Variants in EML4 observed in about 807,000 individuals in gnomAD.
EML4 encodes EMAP like 4, also known as echinoderm microtubule-associated protein-like 4.
In EML4, 72 loss-of-function variants were observed where a neutral mutation model predicts 129.0. That is an observed-to-expected ratio of 0.56 (90% confidence interval 0.46 to 0.68). EML4 has a LOEUF of 0.68. Among genes scored for constraint, EML4 ranks in the 30% least tolerant of loss-of-function variants. EML4 has a pLI of 0.00. For synonymous variants in EML4, 532 were observed against 405.0 expected (o/e 1.31, Z -3.77); for missense variants, 1,363 against 1,190.6 (o/e 1.14, Z -2.13).
At position 42,315,953 on chromosome 2, in the gene EML4, T is replaced by A; in HGVS notation, c.1968-9T>A. The A allele has an allele frequency of 1.9e-6, 3 of 1,600,828 alleles. No individual in the cohort carries two copies. Among genetic ancestry groups the A allele is most frequent in the Non-Finnish European group, 2.6e-6 (3 of 1,173,720 alleles). On this transcript the variant is annotated splice_polypyrimidine_tract_variant and intron_variant, in intron 17 of 22. Coordinates refer to ENST00000318522, the MANE Select transcript of EML4 (RefSeq NM_019063.5). ...TCTGAAGAAAATTTTGATTTTTACT[T>A]CTTAACAGGTGGTTTGTTCTGGATG...
intron 1 of EML4, among the ~76,000 whole-genome samples, chr2:42,188,171 T>C (rs1189502151): frequency 6.7e-6 from 1 of 148,570 alleles, no homozygotes; most frequent in Non-Finnish European, 1.5e-5. Flanking sequence ...GCACTCTGTA[T>C]TCTGTTATGT....
chr2:42,292,878 T>C lies in EML4; in HGVS notation c.1219-2247T>C, dbSNP rs376030048. 1.2e-4 allele frequency among the ~76,000 whole-genome samples: 18 copies of C among 152,340 alleles called. No homozygotes were observed. In the South Asian group the frequency reaches 3.7e-3, roughly 32 times the overall value. ...TATCTTGACTGTCTTATCACTAGCA[T>C]GATGGGTATGCTGGGAATATTTGTA... is the stretch of plus-strand genomic sequence containing the variant. On this transcript the variant is annotated intron_variant, in intron 11 of 22. Transcript: ENST00000318522.
At chr2:42,304,583 A>G (rs1387987178) in intron 17 of EML4, 32 bp downstream of exon 17, 3 of 1,525,484 alleles carry the variant, frequency 2.0e-6, no homozygotes, top group Non-Finnish European at 2.7e-6. Context: ...AGTAATCTGA[A>G]GTGGTGGGAT....
intron 17 of EML4, among the ~76,000 whole-genome samples, chr2:42,310,464 A>G (rs965235647): frequency 6.6e-6 from 1 of 151,896 alleles, no homozygotes; most frequent in South Asian, 2.1e-4. Flanking sequence ...TCATGCCTCA[A>G]CCTCCCAGGT....
chr2:42,172,729 A>T (rs1045765698), intron 1 of EML4, among the ~76,000 whole-genome samples: 12 of 152,170 alleles, frequency 7.9e-5, no homozygotes, highest in African/African-American at 2.2e-4. Flanking sequence ...ACATATAGAT[A>T]CCCATGTGCA....
At chr2:42,298,770 A>G (rs1232985875) in intron 13 of EML4, among the ~76,000 whole-genome samples, 1 of 152,126 alleles carries the variant, frequency 6.6e-6, no homozygotes, top group Non-Finnish European at 1.5e-5. Context: ...GTTTAGAAAT[A>G]CGGAAAGCAG....
At position 42,245,527 on chromosome 2, in the gene EML4, T is replaced by C. The variant is rs561546184; in HGVS notation, c.48T>C (p.Ser16=). The C allele has an allele frequency of 1.2e-5, 20 of 1,613,214 alleles. No individual in the cohort carries two copies. In the South Asian group the frequency reaches 1.9e-4, roughly 15 times the overall value. The change falls in exon 2 of 23, where the codon AGT becomes AGC. Residue 16 remains serine (S), a synonymous_variant. Transcript: ENST00000318522. ...TAGATGATAGTATTTCTGCTGCAAG[T>C]ACTTCTGATGTTCAAGATCGCCTGT... ...GSLDDSISAA[S]TSDVQDRLSA...
chr2:42,179,048 T>G (rs1670781231), intron 1 of EML4, among the ~76,000 whole-genome samples: 1 of 152,206 alleles, frequency 6.6e-6, no homozygotes, highest in Admixed American at 6.5e-5. Flanking sequence ...GGGGAAACAG[T>G]AACTCAATAT....
At chr2:42,233,430 C>T (rs902061754) in intron 1 of EML4, among the ~76,000 whole-genome samples, 1 of 151,766 alleles carries the variant, frequency 6.6e-6, no homozygotes, top group Non-Finnish European at 1.5e-5. Flanking sequence ...CTCAGCCTCC[C>T]CAGTAGCTGG....
chr2:42,212,456 A>G (rs1672937776), intron 1 of EML4, among the ~76,000 whole-genome samples: 1 of 152,146 alleles, frequency 6.6e-6, no homozygotes, highest in Admixed American at 6.5e-5. Context: ...GAAATACATT[A>G]AAAGCAAACT....
chr2:42,251,924 A>G (rs1490773559), intron 2 of EML4, among the ~76,000 whole-genome samples: 1 of 152,234 alleles, frequency 6.6e-6, no homozygotes, highest in Non-Finnish European at 1.5e-5. Flanking sequence ...GAAAGCAGGG[A>G]CAGTCACTAA....
rs186257565 is a variant in EML4, at chr2:42,316,827, A to G, written c.2057-600A>G. Among the ~76,000 whole-genome samples, 20 of 152,366 alleles carry G rather than the reference A, an allele frequency of 1.3e-4. No individual in the cohort carries two copies. The East Asian group carries it at 3.3e-3, about 25-fold the overall frequency. ...TTAAATTGAACAAGGAAGGAAAAGT[A>G]TGTACTTTAAGCTATAAGCCTTTTG... On this transcript the variant is annotated intron_variant, in intron 18 of 22. Coordinates refer to ENST00000318522, the MANE Select transcript of EML4 (RefSeq NM_019063.5).
intron 1 of EML4, among the ~76,000 whole-genome samples, chr2:42,184,178 T>C (rs1410999835): frequency 6.6e-6 from 1 of 152,222 alleles, no homozygotes; most frequent in African/African-American, 2.4e-5. Context: ...CACTCTATTC[T>C]TACTTAACCT....
At chr2:42,179,606 T>TTTTTG (rs1377418892) in intron 1 of EML4, among the ~76,000 whole-genome samples, 6 of 152,114 alleles carry the variant, frequency 3.9e-5, no homozygotes, top group Non-Finnish European at 8.8e-5. Flanking sequence ...ATATGGGGGT[T>TTTTTG]TTTTGTTTTG....
intron 6 of EML4, among the ~76,000 whole-genome samples, chr2:42,269,088 T>G (rs1214107633): frequency 6.6e-6 from 1 of 152,192 alleles, no homozygotes; most frequent in Non-Finnish European, 1.5e-5. Context: ...TACAGGTATA[T>G]CAAAATGGAA....
intron 1 of EML4, among the ~76,000 whole-genome samples, chr2:42,206,566 T>G (rs1672555954): frequency 6.6e-6 from 1 of 152,210 alleles, no homozygotes; most frequent in Non-Finnish European, 1.5e-5. Flanking sequence ...CCTACTTTAA[T>G]CTGGAACTGA....
intron 2 of EML4, among the ~76,000 whole-genome samples, chr2:42,255,373 C>T (rs535951103): frequency 5.6e-4 from 85 of 152,206 alleles, no homozygotes; most frequent in Admixed American, 1.8e-3. Flanking sequence ...GCTGAGCCAC[C>T]GCGCCCAGCC....
rs1460162760 is a variant in EML4, at chr2:42,330,279, G to A, written c.*72G>A. 2 of 1,327,568 alleles carry A rather than the reference G, an allele frequency of 1.5e-6. No homozygotes were observed. The highest frequency in any genetic ancestry group is 1.2e-5 in the South Asian group (1 of 83,312). 82.2% of individuals were successfully genotyped at this position (1,327,568 alleles called of 1,614,324 possible). A position where few individuals can be genotyped will look rare whatever the true frequency, so the allele number is the denominator to read the frequency against. On this transcript the variant is annotated 3_prime_UTR_variant, in exon 23 of 23. Transcript: ENST00000318522. ...TGTGATAAAGTTCAGGTAACAGGAT[G>A]GGCAGTGATGGAGAATCACTGTTGA... is the stretch of plus-strand genomic sequence containing the variant.
At chr2:42,193,488 AG>A (rs1473210435) in intron 1 of EML4, among the ~76,000 whole-genome samples, 2 of 152,232 alleles carry the variant, frequency 1.3e-5, no homozygotes, top group Admixed American at 1.3e-4. Context: ...TTCTTAGCAA[AG>A]AAGTTGCTGT....
Sources: allele counts gnomAD v4.1 joint callset (sites outside exome capture counted in the v4.1 genomes callset), GRCh38; gene constraint gnomAD v4.1.1; transcripts MANE v1.5; gene names NCBI Gene and HGNC (gene_info 2026-07-23, HGNC 2026-07-21).